RPRD1A: variants seen among roughly 807,000 people sequenced by gnomAD.
The protein encoded by RPRD1A is regulation of nuclear pre-mRNA domain-containing protein 1A.
RPRD1A carries 9 observed loss-of-function variants against 37.8 expected under a neutral mutation model. The observed-to-expected ratio is 0.24, with a 90% CI of 0.14 to 0.42. The LOEUF is 0.42. Among genes scored for constraint, RPRD1A ranks in the 10% least tolerant of loss-of-function variants. The pLI is 1.00. For synonymous variants in RPRD1A, 138 were observed against 139.7 expected, an observed-to-expected ratio of 0.99 and a Z score of 0.08; for missense variants, 255 against 371.0, an observed-to-expected ratio of 0.69 and a Z score of 2.57.
intron 1 of RPRD1A, among the ~76,000 whole-genome samples, chr18:36,043,853 T>C (rs1232996002): frequency 6.6e-6 from 1 of 152,166 alleles, no homozygotes; most frequent in Non-Finnish European, 1.5e-5. Context: ...CCTTCAACAA[T>C]TGGGGGTAAA....
chr18:36,034,646 TAC>T (rs1243340916), intron 1 of RPRD1A, among the ~76,000 whole-genome samples: 2 of 152,186 alleles, frequency 1.3e-5, no homozygotes, highest in Non-Finnish European at 2.9e-5. Context: ...CTCAATGTAG[TAC>T]AGTTATATTC....
At chr18:36,044,610 C>T (rs913470281) in intron 1 of RPRD1A, among the ~76,000 whole-genome samples, 2 of 152,006 alleles carry the variant, frequency 1.3e-5, no homozygotes, top group Non-Finnish European at 2.9e-5. Flanking sequence ...ATCACTTGAA[C>T]CCAGGAGGTG....
At position 36,067,285 on chromosome 18, in the gene RPRD1A, G is replaced by A. The variant is rs1384951276; in HGVS notation, c.120C>T (p.Ile40=). 3 of 1,600,014 alleles carry A rather than the reference G, an allele frequency of 1.9e-6. No individual in the cohort carries two copies. The highest frequency in any genetic ancestry group is 1.3e-5 in the African/African-American group (1 of 74,416). ...GCAGCTCCCGCTCCCACACGGTGAC[G>A]ATGGGACGCGAGTGTTTACGGTGGT... ...LIHHRKHSRP[I]VTVWERELRK... Residue 40 remains isoleucine, a synonymous_variant, in exon 1 of 7, where the codon ATC becomes ATT. Coordinates refer to ENST00000399022, the MANE Select transcript of RPRD1A (RefSeq NM_018170.5).
intron 6 of RPRD1A, among the ~76,000 whole-genome samples, chr18:36,022,326 G>A (rs1161033836): frequency 6.6e-6 from 1 of 152,216 alleles, no homozygotes; most frequent in African/African-American, 2.4e-5. Context: ...CTCTAGCTAA[G>A]GTCGTTGATG....
chr18:36,037,643 G>A (rs916065308), intron 1 of RPRD1A, among the ~76,000 whole-genome samples: 4 of 152,210 alleles, frequency 2.6e-5, no homozygotes, highest in Admixed American at 2.6e-4. Flanking sequence ...GCAGAGGTTG[G>A]AACAGTTTGG....
chr18:36,043,616 G>C (rs572916050), intron 1 of RPRD1A, among the ~76,000 whole-genome samples: 27 of 152,226 alleles, frequency 1.8e-4, no homozygotes, highest in African/African-American at 6.0e-4. Flanking sequence ...AACAGTTATG[G>C]AAGAATATAC....
intron 1 of RPRD1A, among the ~76,000 whole-genome samples, chr18:36,053,343 T>C (rs1913533248): frequency 6.6e-6 from 1 of 152,172 alleles, no homozygotes; most frequent in Non-Finnish European, 1.5e-5. Context: ...CCCATTCCTC[T>C]CTTCACTGTA....
intron 6 of RPRD1A, among the ~76,000 whole-genome samples, chr18:35,994,900 A>G (rs1908933304): frequency 6.6e-6 from 1 of 152,192 alleles, no homozygotes; most frequent in Non-Finnish European, 1.5e-5. Context: ...TAATGAATCT[A>G]TCTGATTTTC....
At chr18:36,036,068 ATATT>A (rs1269512016) in intron 1 of RPRD1A, among the ~76,000 whole-genome samples, 4 of 152,100 alleles carry the variant, frequency 2.6e-5, no homozygotes, top group South Asian at 2.1e-4. Context: ...ATGGTAAATA[ATATT>A]TATTACCACA....
chr18:36,022,769 C>CACAGCTAGTTGCTG (rs1911078813), intron 6 of RPRD1A, among the ~76,000 whole-genome samples: 1 of 152,164 alleles, frequency 6.6e-6, no homozygotes, highest in Non-Finnish European at 1.5e-5. Context: ...CAAGACTAGC[C>CACAGCTAGTTGCTG]TGGGCAACAC....
intron 1 of RPRD1A, among the ~76,000 whole-genome samples, chr18:36,056,143 C>T (rs1913749067): frequency 6.6e-6 from 1 of 152,038 alleles, no homozygotes; most frequent in African/African-American, 2.4e-5. Flanking sequence ...TTTGGCACAT[C>T]CATAAAATGA....
intron 6 of RPRD1A, among the ~76,000 whole-genome samples, chr18:35,997,931 C>T (rs1188852271): frequency 6.6e-6 from 1 of 152,106 alleles, no homozygotes; most frequent in African/African-American, 2.4e-5. Context: ...ACGTTCTTTA[C>T]CATGACTCCC....
At chr18:36,031,967 T>C (rs983374031) in intron 2 of RPRD1A, among the ~76,000 whole-genome samples, 1 of 152,222 alleles carries the variant, frequency 6.6e-6, no homozygotes, top group Non-Finnish European at 1.5e-5. Flanking sequence ...TCCTCAAACA[T>C]GTCCAGCATA....
chr18:36,004,311 G>A (rs1408661923), intron 6 of RPRD1A, among the ~76,000 whole-genome samples: 1 of 152,084 alleles, frequency 6.6e-6, no homozygotes. Context: ...CTGAAATGCA[G>A]TGGTGCAGTA....
At chr18:36,052,046 GACA>G (rs1374661891) in intron 1 of RPRD1A, among the ~76,000 whole-genome samples, 2 of 150,756 alleles carry the variant, frequency 1.3e-5, no homozygotes, top group East Asian at 3.9e-4. Context: ...CAAAAACAAA[GACA>G]ACGAGAATCT....
chr18:36,010,447 C>T (rs1227817331), intron 6 of RPRD1A, among the ~76,000 whole-genome samples: 3 of 152,102 alleles, frequency 2.0e-5, no homozygotes, highest in African/African-American at 7.2e-5. Flanking sequence ...GAGCTATGAT[C>T]GTGCCACTGC....
At chr18:36,033,609 T>G in intron 2 of RPRD1A, 99 bp downstream of exon 2, 1 of 965,830 alleles carries the variant, frequency 1.0e-6, no homozygotes, top group Non-Finnish European at 1.5e-6. Context: ...AAAAACTATA[T>G]TCCCTACTTT....
At chr18:36,043,196 C>CGGTG (rs1912708985) in intron 1 of RPRD1A, among the ~76,000 whole-genome samples, 1 of 65,642 alleles carries the variant, frequency 1.5e-5, no homozygotes, top group Non-Finnish European at 3.0e-5. Context: ...CAAGAAGAAT[C>CGGTG]GGGGGGGGGG....
chr18:36,016,521 C>T (rs1178740240), intron 6 of RPRD1A, among the ~76,000 whole-genome samples: 3 of 152,192 alleles, frequency 2.0e-5, no homozygotes. Flanking sequence ...CCGCGCCCGG[C>T]CTGTTTTGTT....
Sources: allele counts gnomAD v4.1 joint callset (sites outside exome capture counted in the v4.1 genomes callset), GRCh38; gene constraint gnomAD v4.1.1; transcripts MANE v1.5; gene names NCBI Gene and HGNC (gene_info 2026-07-23, HGNC 2026-07-21).